The following GDAP1 variants were observed in gnomAD, a reference collection of about 807,000 sequenced individuals.
GDAP1 encodes ganglioside-induced differentiation-associated protein 1.
Under a neutral mutation model 40.1 loss-of-function variants are expected in GDAP1, and 34 were observed. The observed-to-expected ratio is 0.85, with a 90% confidence interval of 0.64 to 1.13. The LOEUF is 1.13. Among genes scored for constraint, GDAP1 ranks in the 50% most tolerant of loss-of-function variants. The probability of loss-of-function intolerance (pLI) is 0.00; values close to 1 mark genes in which losing one functional copy is unlikely to be tolerated. For synonymous variants in GDAP1, 170 were observed against 157.4 expected (o/e 1.08, Z -0.60); for missense variants, 374 against 433.7 (o/e 0.86, Z 1.22).
chr8:74,392,525 A>G (rs1302497420), intron 2 of GDAP1, among the ~76,000 whole-genome samples: 14 of 152,222 alleles, frequency 9.2e-5, no homozygotes, highest in Admixed American at 9.2e-4. Flanking sequence ...GTGTAATATC[A>G]TCTACATTTT....
chr8:74,431,637 G>A (rs1024931207), intron 2 of GDAP1, among the ~76,000 whole-genome samples: 12 of 151,984 alleles, frequency 7.9e-5, no homozygotes, highest in African/African-American at 1.9e-4. Flanking sequence ...GCCCGCCACT[G>A]CACCCGGCTA....
intron 2 of GDAP1, among the ~76,000 whole-genome samples, chr8:74,431,715 T>G (rs1373425280): frequency 6.6e-6 from 1 of 151,926 alleles, no homozygotes; most frequent in African/African-American, 2.4e-5. Context: ...TCTCCTGACC[T>G]CGTGATCTGC....
chr8:74,385,175 T>A (rs1184192807), intron 2 of GDAP1, among the ~76,000 whole-genome samples: 1 of 152,112 alleles, frequency 6.6e-6, no homozygotes, highest in Non-Finnish European at 1.5e-5. Context: ...GGTATATAGA[T>A]CTTTTTATTA....
intron 1 of GDAP1, 24 bp from the exon 2 acceptor site, chr8:74,351,247 TGTA>T: frequency 6.3e-7 from 1 of 1,591,544 alleles, no homozygotes; most frequent in Non-Finnish European, 8.6e-7. Flanking sequence ...TTACATGTGT[TGTA>T]GTAACCAGTG....
rs866995456 is a variant in GDAP1 at position 74,416,929 on chromosome 8, G to T, written c.165+65608G>T. Reference sequence around the variant, plus strand: ...TTTTTTTTTTGTTTTTTTGTTTTTTGTTTTTTTTTTTTTTAACAGAGGCAT... The same window carrying T: ...TTTTTTTTTTGTTTTTTTGTTTTTTTTTTTTTTTTTTTTTAACAGAGGCAT... On this transcript the variant is annotated intron_variant, in intron 2 of 2. Coordinates refer to the GDAP1 transcript ENST00000523640. Among the ~76,000 whole-genome samples the T allele has an allele frequency of 5.1e-3, 680 of 134,164 alleles. 32 individuals are homozygous for T. Among genetic ancestry groups the T allele is most frequent in the African/African-American group, 8.9e-3 (289 of 32,578 alleles). The allele number at this position is 134,164 out of a possible 152,430, so 88.0% of individuals were successfully genotyped here. A position where few individuals can be genotyped will look rare whatever the true frequency, so the allele number is the denominator to read the frequency against.
At chr8:74,477,969 C>T (rs902122250) in intron 2 of GDAP1, among the ~76,000 whole-genome samples, 100 of 152,250 alleles carry the variant, frequency 6.6e-4, no homozygotes, top group East Asian at 1.9e-4. Flanking sequence ...AGAGGCAGGG[C>T]ACTAGTGGGA....
At chr8:74,458,679 T>C (rs1806365131) in intron 2 of GDAP1, among the ~76,000 whole-genome samples, 2 of 152,220 alleles carry the variant, frequency 1.3e-5, no homozygotes, top group African/African-American at 2.4e-5. Context: ...AGGGATGATA[T>C]ACCAGGTTAA....
At position 74,365,298 on chromosome 8, in the gene GDAP1, A is replaced by G. The variant is rs532787830; in HGVS notation, c.*931A>G. 8.6e-4 allele frequency: 389 copies of G among 454,122 alleles called. 1 individual carries two copies. Among genetic ancestry groups the G allele is most frequent in the Non-Finnish European group, 1.5e-3 (330 of 226,798 alleles). 28.1% of individuals were successfully genotyped at this position (454,122 alleles called of 1,614,324 possible). On this transcript the variant is annotated 3_prime_UTR_variant, in exon 6 of 6. Transcript: ENST00000220822. ...CATCTGTTTATGATCATCAACAAAG[A>G]CTTGTTAGAAAGGTCTAGTCTTAGC...
intron 2 of GDAP1, among the ~76,000 whole-genome samples, chr8:74,435,230 A>T (rs1169186964): frequency 1.3e-5 from 2 of 152,220 alleles, no homozygotes; most frequent in Non-Finnish European, 2.9e-5. Flanking sequence ...GACAATCTTT[A>T]GTCCTGAGGA....
chr8:74,434,360 A>G (rs543094808), intron 2 of GDAP1, among the ~76,000 whole-genome samples: 78 of 152,342 alleles, frequency 5.1e-4, no homozygotes, highest in African/African-American at 1.8e-3. Context: ...TGCATTTGTC[A>G]ATACAAATGC....
At chr8:74,412,735 A>T (rs890036953) in intron 2 of GDAP1, among the ~76,000 whole-genome samples, 1 of 149,828 alleles carries the variant, frequency 6.7e-6, no homozygotes, top group Non-Finnish European at 1.5e-5. Context: ...TAAACATTTT[A>T]TGTAACATGC....
chr8:74,402,455 G>A (rs994184901), intron 2 of GDAP1, among the ~76,000 whole-genome samples: 1 of 150,420 alleles, frequency 6.6e-6, no homozygotes, highest in Non-Finnish European at 1.5e-5. Flanking sequence ...GGTGCCGTCT[G>A]TCACCCCTTT....
chr8:74,353,638 A>G (rs989842965), intron 2 of GDAP1, among the ~76,000 whole-genome samples: 10 of 152,196 alleles, frequency 6.6e-5, no homozygotes, highest in African/African-American at 2.4e-4. Flanking sequence ...TACTAATTGT[A>G]TGTTCCATTC....
intron 2 of GDAP1, among the ~76,000 whole-genome samples, chr8:74,406,361 CTGTT>C (rs1229619679): frequency 6.7e-6 from 1 of 150,304 alleles, no homozygotes; most frequent in East Asian, 1.9e-4. Flanking sequence ...CTCAGCAACA[CTGTT>C]TGTTTTATGT....
intron 2 of GDAP1, among the ~76,000 whole-genome samples, chr8:74,440,399 C>T (rs1218374028): frequency 6.6e-6 from 1 of 152,158 alleles, no homozygotes; most frequent in Non-Finnish European, 1.5e-5. Flanking sequence ...TGCCAGTGTA[C>T]ATACTTTCAC....
chr8:74,459,747 C>A (rs1207053545), intron 2 of GDAP1, among the ~76,000 whole-genome samples: 1 of 152,154 alleles, frequency 6.6e-6, no homozygotes, highest in Admixed American at 6.5e-5. Context: ...TTTTGGTTAA[C>A]AGGTTTGGCT....
intron 2 of GDAP1, among the ~76,000 whole-genome samples, chr8:74,411,524 A>AATATATATATATATAT (rs57240234): frequency 7.0e-6 from 1 of 143,228 alleles, no homozygotes; most frequent in African/African-American, 2.8e-5. Flanking sequence ...TTATTAAGCA[A>AATATATATATATATAT]ATATATATAT....
chr8:74,488,567 A>G (rs1028201959), intron 2 of GDAP1: 6 of 152,210 alleles, frequency 3.9e-5, no homozygotes, highest in African/African-American at 1.4e-4. Flanking sequence ...TTGCATACAC[A>G]TTGAGACTTA....
intron 2 of GDAP1, among the ~76,000 whole-genome samples, chr8:74,384,651 A>G (rs1261279872): frequency 6.6e-6 from 1 of 152,212 alleles, no homozygotes; most frequent in Non-Finnish European, 1.5e-5. Context: ...TAAACCCCAC[A>G]TCAAGAAGAT....
Sources: allele counts gnomAD v4.1 joint callset (sites outside exome capture counted in the v4.1 genomes callset), GRCh38; gene constraint gnomAD v4.1.1; transcripts MANE v1.5; gene names NCBI Gene and HGNC (gene_info 2026-07-23, HGNC 2026-07-21).